The following BPNT2 variants were observed in gnomAD, a reference collection of about 807,000 sequenced individuals.
BPNT2 encodes Golgi-resident adenosine 3',5'-bisphosphate 3'-phosphatase.
BPNT2 carries 11 observed loss-of-function variants against 29.3 expected under a neutral mutation model. The observed-to-expected ratio is 0.38, with a 90% confidence interval of 0.24 to 0.62. The LOEUF is 0.62. BPNT2 is among the 20% of genes least tolerant of loss of function. The pLI is 0.62. For synonymous variants in BPNT2, 195 were observed against 187.7 expected, an observed-to-expected ratio of 1.04 and a Z score of -0.32; for missense variants, 459 against 473.4, an observed-to-expected ratio of 0.97 and a Z score of 0.28.
At chr8:56,973,256 C>T (rs1806067329) in intron 3 of BPNT2, among the ~76,000 whole-genome samples, 1 of 152,000 alleles carries the variant, frequency 6.6e-6, no homozygotes, top group Non-Finnish European at 1.5e-5. Context: ...GATTTACTTG[C>T]CCCCAAACAC....
At chr8:56,971,922 C>T (rs1364618066) in intron 3 of BPNT2, among the ~76,000 whole-genome samples, 2 of 151,310 alleles carry the variant, frequency 1.3e-5, no homozygotes, top group African/African-American at 2.4e-5. Context: ...GGTGATACCC[C>T]GTCTCTACTA....
intron 1 of BPNT2, among the ~76,000 whole-genome samples, chr8:56,991,166 G>T (rs1806410700): frequency 6.6e-6 from 1 of 152,150 alleles, no homozygotes; most frequent in East Asian, 1.9e-4. Context: ...GGGGTATAAG[G>T]AGATCGCTCA....
At position 56,963,731 on chromosome 8, in the gene BPNT2, C is replaced by T; in HGVS notation, c.*62G>A. 1 of 1,588,134 alleles carries T rather than the reference C, an allele frequency of 6.3e-7. No individual in the cohort carries two copies. The highest frequency in any genetic ancestry group is 8.6e-7 in the Non-Finnish European group (1 of 1,157,948). On this transcript the variant is annotated 3_prime_UTR_variant, in exon 5 of 5. Transcript: ENST00000262644. Reference sequence around the variant, plus strand: ...CATAGTCTCCACCAATCCTTTGAAGCTTCCAGCATCTCAGGCTAACCATTT... The same window carrying T: ...CATAGTCTCCACCAATCCTTTGAAGTTTCCAGCATCTCAGGCTAACCATTT...
rs1563413545 is a variant in BPNT2 at position 56,993,196 on chromosome 8, C to CA, written c.387+2dup. On this transcript the variant is annotated splice_region_variant and intron_variant, in intron 1 of 4. Transcript: ENST00000262644. Reference sequence around the variant, plus strand: ...AGTGGGCGCTCCGCCCGTGGGCTCCCACCTGGACGCTGGGGAAGGCGGTCT... The same window carrying CA: ...AGTGGGCGCTCCGCCCGTGGGCTCCCAACCTGGACGCTGGGGAAGGCGGTCT... 6.3e-7 allele frequency: 1 copy of CA among 1,597,096 alleles called. No homozygotes were observed.
In BPNT2 at chr8:56,962,852, AG is replaced by A. The variant is rs1805861170; in HGVS notation, c.*940del. ...AAACAAAGTGTCTGAAGATAATGAAAGGCAGTTCAATTCATGTAATGTCAAG... is the reference window on the plus strand; with the variant it reads ...AAACAAAGTGTCTGAAGATAATGAAAGCAGTTCAATTCATGTAATGTCAAG... On this transcript the variant is annotated 3_prime_UTR_variant, in exon 5 of 5. Transcript: ENST00000262644. 1 of 152,236 alleles carries A rather than the reference AG, an allele frequency of 6.6e-6. No homozygotes were observed. Among genetic ancestry groups the A allele is most frequent in the African/African-American group, 2.4e-5 (1 of 41,458 alleles). 9.4% of individuals were successfully genotyped at this position (152,236 alleles called of 1,614,324 possible). A position where few individuals can be genotyped will look rare whatever the true frequency, so the allele number is the denominator to read the frequency against.
At chr8:56,967,309 C>A (rs1805968238) in intron 3 of BPNT2, 1 of 452,474 alleles carries the variant, frequency 2.2e-6, no homozygotes, top group Admixed American at 2.4e-5. Context: ...TCTCATACCT[C>A]CTTCTAAAAA....
intron 4 of BPNT2, 63 bp from the exon 5 acceptor site, chr8:56,964,127 T>G: frequency 8.4e-7 from 1 of 1,194,282 alleles, no homozygotes; most frequent in Non-Finnish European, 1.2e-6. Flanking sequence ...AGCATACTTT[T>G]TTGATTAAGT....
intron 2 of BPNT2, among the ~76,000 whole-genome samples, chr8:56,978,633 C>A (rs983584421): frequency 6.6e-6 from 1 of 151,440 alleles, no homozygotes; most frequent in Non-Finnish European, 1.5e-5. Context: ...GACATGGAAT[C>A]ATCTTAAATG....
intron 3 of BPNT2, among the ~76,000 whole-genome samples, chr8:56,976,905 C>T (rs1222899392): frequency 1.3e-5 from 2 of 152,096 alleles, no homozygotes; most frequent in African/African-American, 2.4e-5. Context: ...ATTCCAAAAT[C>T]TGAAATGCTC....
rs1294188925 is a variant in BPNT2, at chr8:56,960,039, A to AT, written c.*3753dup. The AT allele has an allele frequency of 2.0e-5, 3 of 152,134 alleles. No homozygotes were observed. The highest frequency in any genetic ancestry group is 7.2e-5 in the African/African-American group (3 of 41,428). 9.4% of individuals were successfully genotyped at this position (152,134 alleles called of 1,614,324 possible). A position where few individuals can be genotyped will look rare whatever the true frequency, so the allele number is the denominator to read the frequency against. On this transcript the variant is annotated 3_prime_UTR_variant, in exon 5 of 5. Transcript: ENST00000262644. ...CAATCAAGATCTAAAATGAAAAATTATTTTTTCTTTCTAGGATCAATCAAC... is the reference window on the plus strand; with the variant it reads ...CAATCAAGATCTAAAATGAAAAATTATTTTTTTCTTTCTAGGATCAATCAAC...
rs764689405 is a variant in BPNT2 at position 56,980,148 on chromosome 8, C to A, written c.437G>T (p.Trp146Leu). ...GATATCCTCAGGAATCTTATGATCC[C>A]ACAAGATAACCTCCTGATCAGCTGC... ...VDAADQEVIL[W>L]DHKIPEDILK... Residue 146 changes from tryptophan (W) to leucine (L), a missense_variant, in exon 2 of 5, where the codon TGG becomes TTG. Coordinates refer to ENST00000262644, the MANE Select transcript of BPNT2 (RefSeq NM_017813.5). 1.3e-5 allele frequency: 21 copies of A among 1,613,484 alleles called. No homozygotes were observed. The highest frequency in any genetic ancestry group is 3.3e-4 in the Middle Eastern group (2 of 6,078).
At chr8:56,968,997 A>G (rs1805991120) in intron 3 of BPNT2, among the ~76,000 whole-genome samples, 1 of 152,098 alleles carries the variant, frequency 6.6e-6, no homozygotes, top group Admixed American at 6.5e-5. Flanking sequence ...CAGAAAGGAG[A>G]CTGTCATGTG....
At chr8:56,969,514 C>T (rs10504212) in intron 3 of BPNT2, among the ~76,000 whole-genome samples, 1 of 151,974 alleles carries the variant, frequency 6.6e-6, no homozygotes, top group African/African-American at 2.4e-5. Flanking sequence ...TTTTCTCATA[C>T]TTGGCTGATA....
chr8:56,978,551 A>T (rs1319118705), intron 2 of BPNT2, among the ~76,000 whole-genome samples: 1 of 152,168 alleles, frequency 6.6e-6, no homozygotes, highest in Non-Finnish European at 1.5e-5. Context: ...CTGGTCCAAA[A>T]GAATATAAAT....
Position 56,963,939 on chromosome 8 carries a change from C to G in BPNT2, c.934G>C (p.Gly312Arg). ...CCACTCAGGGTAGTCATATGCCCCC[C>G]TAGGGCTTTTAAGATGGCATTACCA... The part of the protein sequence containing the change: ...CAGNAILKAL[G>R]GHMTTLSGEE... Residue 312 changes from glycine to arginine, a missense_variant, in exon 5 of 5, where the codon GGG (glycine) becomes CGG (arginine). Coordinates refer to ENST00000262644, the MANE Select transcript of BPNT2 (RefSeq NM_017813.5). The G allele has an allele frequency of 3.7e-6, 6 of 1,614,006 alleles. No homozygotes were observed. Among genetic ancestry groups the G allele is most frequent in the Non-Finnish European group, 5.1e-6 (6 of 1,179,976 alleles).
rs1314594379 is a variant in BPNT2, at chr8:56,980,010, G to A, written c.550+25C>T. ...CTCTACTACTAAACGTCAATCAAAT[G>A]TTTTGAGTTCAGTTTAAAAATTACC... On this transcript the variant is annotated intron_variant, in intron 2 of 4. Coordinates refer to ENST00000262644, the MANE Select transcript of BPNT2 (RefSeq NM_017813.5). 14 of 1,610,574 alleles carry A rather than the reference G, an allele frequency of 8.7e-6. 1 individual carries two copies. Among genetic ancestry groups the A allele is most frequent in the Admixed American group, 5.0e-5 (3 of 59,972 alleles).
At chr8:56,991,375 G>A (rs1806413469) in intron 1 of BPNT2, among the ~76,000 whole-genome samples, 1 of 152,206 alleles carries the variant, frequency 6.6e-6, no homozygotes, top group Admixed American at 6.5e-5. Context: ...TTAATAAAAT[G>A]CAGCTCACTG....
At position 56,962,587 on chromosome 8, in the gene BPNT2, A is replaced by G. The variant is rs1805855611; in HGVS notation, c.*1206T>C. ...GGTTCTAGTTACGGTAACACAATGA[A>G]TATGTCACAACTTTTTTTTTCTAAC... is the stretch of plus-strand genomic sequence containing the variant. On this transcript the variant is annotated 3_prime_UTR_variant, in exon 5 of 5. Transcript: ENST00000262644. 1 of 152,220 alleles carries G rather than the reference A, an allele frequency of 6.6e-6. No individual in the cohort carries two copies. The highest frequency in any genetic ancestry group is 1.5e-5 in the Non-Finnish European group (1 of 68,034). The allele number at this position is 152,220 out of a possible 1,614,324, so 9.4% of individuals were successfully genotyped here.
chr8:56,980,733 G>T (rs1445190332), intron 1 of BPNT2, among the ~76,000 whole-genome samples: 1 of 149,086 alleles, frequency 6.7e-6, no homozygotes, highest in Non-Finnish European at 1.5e-5. Context: ...ATAAGTAGAG[G>T]AAGGGTTGTT....
Sources: gnomAD v4.1 joint callset for allele counts (sites outside exome capture counted in the v4.1 genomes callset) on GRCh38, gnomAD v4.1.1 for gene constraint, MANE v1.5 for transcripts, NCBI Gene and HGNC (gene_info 2026-07-23, HGNC 2026-07-21) for gene names.